The following ST6GAL2 variants were observed in gnomAD, a reference collection of about 807,000 sequenced individuals.
ST6GAL2 encodes beta-galactoside alpha-2,6-sialyltransferase 2.
In ST6GAL2, 24 loss-of-function variants were observed where a neutral mutation model predicts 37.5. The ratio of observed to expected loss-of-function variants is 0.64; its 90% CI spans 0.46 to 0.90. The LOEUF (loss-of-function observed/expected upper bound fraction) is 0.90. Ranked by LOEUF, ST6GAL2 falls within the 40% of genes least tolerant of loss-of-function variation. ST6GAL2 has a pLI of 0.00. For synonymous variants in ST6GAL2, 306 were observed against 295.1 expected, an observed-to-expected ratio of 1.04 and a Z score of -0.38; for missense variants, 715 against 712.7, an observed-to-expected ratio of 1.00 and a Z score of -0.04.
intron 2 of ST6GAL2, chr2:106,841,324 T>C (rs536505905): frequency 1.3e-5 from 2 of 152,266 alleles, no homozygotes; most frequent in South Asian, 4.2e-4. Context: ...ACAACAAAGA[T>C]TACTTATTTG....
upstream of ST6GAL2, chr2:106,886,469 C>G (rs1454256196): frequency 6.6e-6 from 1 of 152,034 alleles, no homozygotes; most frequent in African/African-American, 2.4e-5. Flanking sequence ...CAGCTGCAAG[C>G]GCGGGCGGCG....
At chr2:106,817,868 G>T (rs10197842) in intron 5 of ST6GAL2, among the ~76,000 whole-genome samples, 2 of 152,022 alleles carry the variant, frequency 1.3e-5, no homozygotes, top group East Asian at 3.9e-4. Flanking sequence ...TCCCAGGTCT[G>T]GTAGCATTTA....
rs576769815 is a variant in ST6GAL2, at chr2:106,833,201, AC to A, written c.1042-536del. 2.0e-3 allele frequency among the ~76,000 whole-genome samples: 307 copies of A among 151,876 alleles called. 1 individual carries two copies. Among genetic ancestry groups the A allele is most frequent in the Middle Eastern group, 0.014 (4 of 294 alleles). On this transcript the variant is annotated intron_variant, in intron 3 of 5. Coordinates refer to ENST00000409382, the MANE Select transcript of ST6GAL2 (RefSeq NM_001142351.2). ...AGTTTTAAGATACTTTTTTTTTTTA[AC>A]CATTATTACGATGTACTTTTTTCCT... is the stretch of plus-strand genomic sequence containing the variant.
chr2:106,864,232 G>T (rs984195474), intron 1 of ST6GAL2, among the ~76,000 whole-genome samples: 1 of 152,136 alleles, frequency 6.6e-6, no homozygotes, highest in African/African-American at 2.4e-5. Flanking sequence ...CTGCAGCCCT[G>T]GAGACTACAG....
At chr2:106,872,803 T>C (rs1045041833) in intron 1 of ST6GAL2, among the ~76,000 whole-genome samples, 3 of 152,066 alleles carry the variant, frequency 2.0e-5, no homozygotes, top group African/African-American at 4.8e-5. Flanking sequence ...AGGTTCCTTT[T>C]GTTTTAAACT....
At chr2:106,812,937 T>C (rs920780536) in intron 5 of ST6GAL2, 2 of 835,562 alleles carry the variant, frequency 2.4e-6, no homozygotes, top group Non-Finnish European at 3.2e-6. Context: ...CTACAAAAAA[T>C]TAACAACTTT....
chr2:106,846,230 T>A (rs1677139745), intron 1 of ST6GAL2, among the ~76,000 whole-genome samples: 1 of 152,228 alleles, frequency 6.6e-6, no homozygotes, highest in Non-Finnish European at 1.5e-5. Context: ...AATGATAGAT[T>A]GTTGTTCTAA....
At chr2:106,813,222 A>G in intron 5 of ST6GAL2, 1 of 1,354,706 alleles carries the variant, frequency 7.4e-7, no homozygotes, top group Non-Finnish European at 9.5e-7. Context: ...TTTACAAATG[A>G]GCCTATATGA....
rs558113089 is a variant in ST6GAL2 at position 106,812,322 on chromosome 2, A to T, written c.1319-5373T>A. ...TTGTTTAACACATCCAGTCTATGGT[A>T]TTTCTTATAGCAGCCAGAAATAATG... On this transcript the variant is annotated intron_variant, in intron 5 of 5. Transcript: ENST00000409382. 4.4e-3 allele frequency among the ~76,000 whole-genome samples: 673 copies of T among 152,304 alleles called. 4 individuals are homozygous for T. Among genetic ancestry groups the T allele is most frequent in the Non-Finnish European group, 7.2e-3 (492 of 68,022 alleles).
intron 5 of ST6GAL2, chr2:106,813,250 A>C: frequency 1.5e-6 from 2 of 1,308,130 alleles, no homozygotes; most frequent in Non-Finnish European, 2.0e-6. Context: ...ATTTGAAGAA[A>C]ATAAGTATTA....
chr2:106,824,371 G>A (rs557968871), intron 5 of ST6GAL2, among the ~76,000 whole-genome samples: 1 of 152,318 alleles, frequency 6.6e-6, no homozygotes, highest in South Asian at 2.1e-4. Flanking sequence ...GGTGACTCAT[G>A]CCTGTAATCC....
In ST6GAL2 at chr2:106,815,367, A is replaced by T. The variant is rs144960141; in HGVS notation, c.1319-8418T>A. ...TTTGTATGAGTACATACATAGAGTA[A>T]TGACTTGTCAACATAATTGTTTGAT... On this transcript the variant is annotated intron_variant, in intron 5 of 5. Coordinates refer to ENST00000409382, the MANE Select transcript of ST6GAL2 (RefSeq NM_001142351.2). 2.5e-3 allele frequency among the ~76,000 whole-genome samples: 385 copies of T among 152,328 alleles called. 1 individual carries two copies. The highest frequency in any genetic ancestry group is 8.8e-3 in the African/African-American group (364 of 41,568).
intron 2 of ST6GAL2, among the ~76,000 whole-genome samples, chr2:106,842,057 T>A (rs543607889): frequency 1.5e-4 from 23 of 152,324 alleles, no homozygotes; most frequent in African/African-American, 5.5e-4. Context: ...GCCAGGTGAA[T>A]GCTTTAAGAA....
At chr2:106,882,875 C>T (rs1678809326) in intron 1 of ST6GAL2, among the ~76,000 whole-genome samples, 1 of 152,222 alleles carries the variant, frequency 6.6e-6, no homozygotes, top group African/African-American at 2.4e-5. Flanking sequence ...CAGAACAGTT[C>T]CGTCCAGATA....
chr2:106,819,687 T>A (rs1253352565), intron 5 of ST6GAL2, among the ~76,000 whole-genome samples: 2 of 152,024 alleles, frequency 1.3e-5, no homozygotes, highest in African/African-American at 4.8e-5. Context: ...GTACTCACTA[T>A]ATTAAGTACA....
intron 1 of ST6GAL2, among the ~76,000 whole-genome samples, chr2:106,847,641 C>A (rs1186787908): frequency 6.6e-6 from 1 of 152,198 alleles, no homozygotes; most frequent in Non-Finnish European, 1.5e-5. Flanking sequence ...AAGCCACTCA[C>A]ACTTTTAACT....
intron 3 of ST6GAL2, among the ~76,000 whole-genome samples, chr2:106,833,298 C>T (rs1676497602): frequency 6.6e-6 from 1 of 151,652 alleles, no homozygotes; most frequent in Non-Finnish European, 1.5e-5. Context: ...TGGCATTTAC[C>T]TCCTCCTTTG....
chr2:106,834,023 C>T (rs774297643), intron 3 of ST6GAL2, 26 bp downstream of exon 3: 2 of 1,539,068 alleles, frequency 1.3e-6, no homozygotes, highest in South Asian at 1.1e-5. Context: ...AAACATACAT[C>T]CATGAAAACA....
chr2:106,842,464 T>C (rs754960646), intron 2 of ST6GAL2, among the ~76,000 whole-genome samples: 3 of 152,202 alleles, frequency 2.0e-5, no homozygotes, highest in Non-Finnish European at 4.4e-5. Flanking sequence ...TATTCTCCCA[T>C]GGGAAAGATG....
Sources: allele counts gnomAD v4.1 joint callset (sites outside exome capture counted in the v4.1 genomes callset), GRCh38; gene constraint gnomAD v4.1.1; transcripts MANE v1.5; gene names NCBI Gene and HGNC (gene_info 2026-07-23, HGNC 2026-07-21).